CNTLN: variants seen among roughly 807,000 people sequenced by gnomAD.
The protein encoded by CNTLN is centlein, centrosomal protein.
Under a neutral mutation model 180.0 loss-of-function variants are expected in CNTLN, and 212 were observed. The ratio of observed to expected loss-of-function variants is 1.18; its 90% CI spans 1.05 to 1.32. The LOEUF is 1.32. Ranked by LOEUF, CNTLN falls within the 40% of genes most tolerant of loss-of-function variation. CNTLN has a pLI of 0.00. For synonymous variants in CNTLN, 722 were observed against 563.1 expected (o/e 1.28, Z -3.99); for missense variants, 2,095 against 1,610.9 (o/e 1.30, Z -5.14).
intron 18 of CNTLN, chr9:17,448,447 T>C (rs1420253390): frequency 6.6e-6 from 1 of 152,288 alleles, no homozygotes; most frequent in Admixed American, 6.5e-5. Context: ...TTAGCTTCAC[T>C]TTCACCTTCA....
At chr9:17,418,874 A>C (rs1032485694) in intron 18 of CNTLN, among the ~76,000 whole-genome samples, 1 of 152,052 alleles carries the variant, frequency 6.6e-6, no homozygotes, top group African/African-American at 2.4e-5. Context: ...ATATGTAATT[A>C]AAGTACCATT....
At chr9:17,184,764 G>GA (rs1455878232) in intron 2 of CNTLN, among the ~76,000 whole-genome samples, 2 of 152,126 alleles carry the variant, frequency 1.3e-5, no homozygotes, top group Non-Finnish European at 2.9e-5. Flanking sequence ...ACCATATTCA[G>GA]AAAATTAACC....
At chr9:17,297,523 C>G (rs1030335907) in intron 6 of CNTLN, among the ~76,000 whole-genome samples, 1 of 152,156 alleles carries the variant, frequency 6.6e-6, no homozygotes, top group African/African-American at 2.4e-5. Flanking sequence ...AGGTGTAGTT[C>G]TCCTAGACTC....
the CNTLN span, among the ~76,000 whole-genome samples, chr9:17,517,824 G>A: frequency 1.3e-5 from 2 of 152,184 alleles, no homozygotes; most frequent in South Asian, 4.1e-4. Context: ...GCAGCCCTGG[G>A]AAAGTAATAC....
chr9:17,460,219 T>C (rs1318845918), intron 19 of CNTLN, among the ~76,000 whole-genome samples: 2 of 151,712 alleles, frequency 1.3e-5, no homozygotes, highest in Non-Finnish European at 3.0e-5. Context: ...GTACTGTACA[T>C]AGAGCCGAGA....
At chr9:17,351,751 C>T (rs969980757) in intron 12 of CNTLN, among the ~76,000 whole-genome samples, 1 of 152,192 alleles carries the variant, frequency 6.6e-6, no homozygotes, top group Admixed American at 6.5e-5. Context: ...CTATTTTCAA[C>T]AGTGCTGCAG....
intron 12 of CNTLN, among the ~76,000 whole-genome samples, chr9:17,345,018 AAT>A (rs1821771281): frequency 1.3e-5 from 2 of 152,108 alleles, no homozygotes; most frequent in Non-Finnish European, 1.5e-5. Context: ...CTTTCCGCAT[AAT>A]GTCTTTGAGA....
chr9:17,226,521 T>G (rs1033840707), intron 3 of CNTLN, among the ~76,000 whole-genome samples: 5 of 152,030 alleles, frequency 3.3e-5, no homozygotes, highest in African/African-American at 1.2e-4. Context: ...GTTACAGTTT[T>G]ATAATAGTAT....
At chr9:17,137,266 T>C (rs1453449524) in intron 1 of CNTLN, among the ~76,000 whole-genome samples, 1 of 152,236 alleles carries the variant, frequency 6.6e-6, no homozygotes, top group African/African-American at 2.4e-5. Flanking sequence ...TTGTAGGCAG[T>C]ATCCCGCACC....
At chr9:17,476,280 C>T (rs1328413878) in intron 23 of CNTLN, among the ~76,000 whole-genome samples, 1 of 152,154 alleles carries the variant, frequency 6.6e-6, no homozygotes, top group South Asian at 2.1e-4. Flanking sequence ...CCCCATCTCA[C>T]TCCCTCTCCC....
At chr9:17,523,417 A>G in the CNTLN span, among the ~76,000 whole-genome samples, 1 of 152,028 alleles carries the variant, frequency 6.6e-6, no homozygotes, top group East Asian at 1.9e-4. Context: ...TTGTATTTTT[A>G]GTAGAGACGG....
At chr9:17,266,728 T>C (rs1178175549) in intron 5 of CNTLN, among the ~76,000 whole-genome samples, 2 of 152,202 alleles carry the variant, frequency 1.3e-5, no homozygotes, top group Non-Finnish European at 2.9e-5. Context: ...GCTCCTGTAT[T>C]GGGTGCATAT....
At chr9:17,507,326 C>CT (rs1833950341), downstream of CNTLN, among the ~76,000 whole-genome samples, 1 of 152,072 alleles carries the variant, frequency 6.6e-6, no homozygotes, top group South Asian at 2.1e-4. Context: ...TGCTTTTGTT[C>CT]TTTTTTATGG....
intron 2 of CNTLN, among the ~76,000 whole-genome samples, chr9:17,149,707 C>T (rs561138845): frequency 1.3e-5 from 2 of 151,710 alleles, no homozygotes; most frequent in East Asian, 3.9e-4. Context: ...TTAGTAGAGA[C>T]GGGGTTTCAC....
At chr9:17,515,793 A>C in the CNTLN span, among the ~76,000 whole-genome samples, 1 of 152,168 alleles carries the variant, frequency 6.6e-6, no homozygotes, top group African/African-American at 2.4e-5. Flanking sequence ...TCCCTGCTTC[A>C]GCTGTTGCTC....
intron 8 of CNTLN, among the ~76,000 whole-genome samples, chr9:17,312,956 C>T (rs1223163093): frequency 6.6e-6 from 1 of 151,984 alleles, no homozygotes; most frequent in African/African-American, 2.4e-5. Context: ...TTTTGTTTCT[C>T]CTTTGAGTTT....
chr9:17,479,040 T>C (rs889321847), intron 23 of CNTLN, among the ~76,000 whole-genome samples: 1 of 152,132 alleles, frequency 6.6e-6, no homozygotes, highest in African/African-American at 2.4e-5. Context: ...TAAAAAAAGA[T>C]AATAAGTGTG....
At chr9:17,460,870 C>G (rs1456370017) in intron 19 of CNTLN, among the ~76,000 whole-genome samples, 1 of 151,586 alleles carries the variant, frequency 6.6e-6, no homozygotes, top group African/African-American at 2.4e-5. Flanking sequence ...TATTTTACTT[C>G]TCAGCAGAAA....
At chr9:17,510,738 T>C in the CNTLN span, among the ~76,000 whole-genome samples, 7 of 152,214 alleles carry the variant, frequency 4.6e-5, no homozygotes, top group Admixed American at 4.6e-4. Flanking sequence ...AGGAAACTCC[T>C]CAGAATAAAT....
Sources: gnomAD v4.1 joint callset for allele counts (sites outside exome capture counted in the v4.1 genomes callset) on GRCh38, gnomAD v4.1.1 for gene constraint, MANE v1.5 for transcripts, NCBI Gene and HGNC (gene_info 2026-07-23, HGNC 2026-07-21) for gene names.